Variants in EDIL3 observed in about 807,000 individuals in gnomAD.
EDIL3 encodes EGF-like repeat and discoidin I-like domain-containing protein 3.
Under a neutral mutation model 67.4 loss-of-function variants are expected in EDIL3, and 37 were observed. The ratio of observed to expected loss-of-function variants is 0.55; its 90% CI spans 0.42 to 0.72. The LOEUF is 0.72. EDIL3 is among the 30% of genes least tolerant of loss of function. The pLI is 0.00. For missense variants in EDIL3, 527 were observed against 586.3 expected (o/e 0.90, Z 1.04); for synonymous variants, 195 against 196.3 (o/e 0.99, Z 0.05).
At chr5:84,006,343 T>TAAAAC (rs56161304) in intron 9 of EDIL3, among the ~76,000 whole-genome samples, 50,000 of 147,674 alleles carry the variant, frequency 0.34, 9,738 homozygotes, top group Non-Finnish European at 0.43. Flanking sequence ...TATGCAGCCA[T>TAAAAC]AAAACAAAAC....
At chr5:84,176,749 G>GTA (rs1748922667) in intron 4 of EDIL3, among the ~76,000 whole-genome samples, 3 of 93,054 alleles carry the variant, frequency 3.2e-5, no homozygotes, top group East Asian at 7.9e-4. Flanking sequence ...GTGTATGTGT[G>GTA]TATATATGTG....
At chr5:84,249,668 ATGTATT>A (rs1249940705) in intron 2 of EDIL3, among the ~76,000 whole-genome samples, 3 of 152,154 alleles carry the variant, frequency 2.0e-5, no homozygotes, top group African/African-American at 7.2e-5. Context: ...TTAATATACT[ATGTATT>A]TGAGTTGTAA....
intron 3 of EDIL3, among the ~76,000 whole-genome samples, chr5:84,212,608 C>G (rs750072997): frequency 2.6e-5 from 4 of 152,034 alleles, no homozygotes; most frequent in Non-Finnish European, 4.4e-5. Context: ...ATACGGGTTA[C>G]AGGAAACACA....
chr5:84,127,292 T>C (rs1365991324), intron 5 of EDIL3, among the ~76,000 whole-genome samples: 1 of 152,116 alleles, frequency 6.6e-6, no homozygotes, highest in Non-Finnish European at 1.5e-5. Flanking sequence ...TATAGAACCA[T>C]ATTCCTCAAG....
At chr5:83,979,562 T>C (rs545134237) in intron 9 of EDIL3, among the ~76,000 whole-genome samples, 2 of 152,300 alleles carry the variant, frequency 1.3e-5, no homozygotes, top group South Asian at 2.1e-4. Flanking sequence ...AATAGAATTA[T>C]ATGTATCAAC....
intron 5 of EDIL3, among the ~76,000 whole-genome samples, chr5:84,130,464 T>C (rs1483771300): frequency 6.6e-6 from 1 of 152,184 alleles, no homozygotes; most frequent in East Asian, 1.9e-4. Flanking sequence ...ACATTCACTA[T>C]ATTGCAACAT....
chr5:84,251,117 A>G (rs1299339422), intron 2 of EDIL3, among the ~76,000 whole-genome samples: 1 of 151,966 alleles, frequency 6.6e-6, no homozygotes, highest in South Asian at 2.1e-4. Context: ...TTTTATTTAT[A>G]TATTTATTTA....
intron 3 of EDIL3, among the ~76,000 whole-genome samples, chr5:84,208,154 A>G (rs1218261358): frequency 2.0e-5 from 3 of 152,210 alleles, no homozygotes; most frequent in Admixed American, 6.5e-5. Flanking sequence ...CTCATCTGAC[A>G]GAGGGCTAAT....
At chr5:84,006,630 C>T (rs1745422259) in intron 9 of EDIL3, among the ~76,000 whole-genome samples, 1 of 152,082 alleles carries the variant, frequency 6.6e-6, no homozygotes, top group African/African-American at 2.4e-5. Context: ...GTACTATGCT[C>T]ATTACCTGGA....
rs1305983720 is a variant in EDIL3 at position 84,174,177 on chromosome 5, A to G, written c.355+6216T>C. ...GGCTATGGCAGAAGCTCAAGCCAGA[A>G]CAAAGTTTCATTAAAGAGCCTCAGG... On this transcript the variant is annotated intron_variant, in intron 4 of 10. Transcript: ENST00000296591. Among the ~76,000 whole-genome samples, 9 of 152,286 alleles carry G rather than the reference A, an allele frequency of 5.9e-5. No individual in the cohort carries two copies. The South Asian group carries it at 8.3e-4, about 14-fold the overall frequency.
At chr5:84,008,530 C>T (rs956540145) in intron 9 of EDIL3, among the ~76,000 whole-genome samples, 2 of 152,020 alleles carry the variant, frequency 1.3e-5, no homozygotes, top group African/African-American at 2.4e-5. Context: ...TGGGTAACAC[C>T]CTCCTTTGAT....
At chr5:84,322,906 C>T (rs1026837415) in intron 1 of EDIL3, among the ~76,000 whole-genome samples, 50 of 151,606 alleles carry the variant, frequency 3.3e-4, no homozygotes, top group East Asian at 1.9e-4. Context: ...AGGCAGTGGG[C>T]GATATATTGA....
At chr5:84,066,301 T>G in intron 7 of EDIL3, 150 bp downstream of exon 7, 1 of 795,988 alleles carries the variant, frequency 1.3e-6, no homozygotes, top group Non-Finnish European at 1.8e-6. Context: ...AATTACTACT[T>G]CCTTCATCAC....
chr5:84,384,576 T>G lies in EDIL3; in HGVS notation c.-202A>C. 2 of 426,490 alleles carry G rather than the reference T, an allele frequency of 4.7e-6. No homozygotes were observed. 26.4% of individuals were successfully genotyped at this position (426,490 alleles called of 1,614,324 possible). A position where few individuals can be genotyped will look rare whatever the true frequency, so the allele number is the denominator to read the frequency against. Reference sequence around the variant, plus strand: ...AAAGAGAGGAGCCTTTCCTCCCCTTTTGCCTGCGCTCCGGCGCGCGGAGGT... The same window carrying G: ...AAAGAGAGGAGCCTTTCCTCCCCTTGTGCCTGCGCTCCGGCGCGCGGAGGT... On this transcript the variant is annotated 5_prime_UTR_variant, in exon 1 of 11. Transcript: ENST00000296591.
chr5:83,958,188 G>A (rs974311053), intron 10 of EDIL3, among the ~76,000 whole-genome samples: 2 of 151,486 alleles, frequency 1.3e-5, no homozygotes, highest in Non-Finnish European at 3.0e-5. Flanking sequence ...ATTTAATTTT[G>A]TTTTTGGCAT....
At chr5:84,203,848 C>T (rs1241165133) in intron 3 of EDIL3, among the ~76,000 whole-genome samples, 1 of 152,060 alleles carries the variant, frequency 6.6e-6, no homozygotes, top group African/African-American at 2.4e-5. Context: ...TTAACTATAT[C>T]CGAAGAGGGT....
intron 1 of EDIL3, among the ~76,000 whole-genome samples, chr5:84,299,369 T>G (rs748632961): frequency 6.6e-6 from 1 of 152,184 alleles, no homozygotes; most frequent in Non-Finnish European, 1.5e-5. Context: ...CAACATGCAT[T>G]ATTACTTGAA....
intron 3 of EDIL3, chr5:84,197,090 T>A (rs1202753814): frequency 6.6e-6 from 1 of 151,994 alleles, no homozygotes; most frequent in African/African-American, 2.4e-5. Flanking sequence ...CATTTGAACA[T>A]CAGCACAACA....
intron 9 of EDIL3, among the ~76,000 whole-genome samples, chr5:84,041,356 G>T (rs1312379025): frequency 6.6e-6 from 1 of 151,658 alleles, no homozygotes; most frequent in East Asian, 1.9e-4. Context: ...CATGCCACCA[G>T]CTGATTCTGA....
Sources: gnomAD v4.1 joint callset for allele counts (sites outside exome capture counted in the v4.1 genomes callset) on GRCh38, gnomAD v4.1.1 for gene constraint, MANE v1.5 for transcripts, NCBI Gene and HGNC (gene_info 2026-07-23, HGNC 2026-07-21) for gene names.